Variants in KIAA1217 observed in about 807,000 individuals in gnomAD.
KIAA1217 encodes KIAA1217.
KIAA1217 carries 88 observed loss-of-function variants against 163.9 expected under a neutral mutation model. The ratio of observed to expected loss-of-function variants is 0.54; its 90% CI spans 0.45 to 0.64. The LOEUF is 0.64. Ranked by LOEUF, KIAA1217 falls within the 30% of genes least tolerant of loss-of-function variation. The pLI, the probability that KIAA1217 is intolerant of heterozygous loss-of-function variation, is 0.00. For synonymous variants in KIAA1217, 903 were observed against 923.1 expected (o/e 0.98, Z 0.39); for missense variants, 2,372 against 2,475.0 (o/e 0.96, Z 0.88).
chr10:24,514,098 T>C (rs978251673), intron 10 of KIAA1217, among the ~76,000 whole-genome samples: 1 of 152,182 alleles, frequency 6.6e-6, no homozygotes, highest in East Asian at 1.9e-4. Context: ...AGTCCTACTA[T>C]TGAAATGAGC....
rs774989886 is a variant in KIAA1217 at position 23,890,633 on chromosome 10, T to C, written c.-320-116592T>C. ...CATACTCTGTCAGTTTTCAAGCTTT[T>C]GAAATTTTTTGAATGCATTATACAC... is the stretch of plus-strand genomic sequence containing the variant. On this transcript the variant is annotated intron_variant, in intron 1 of 18. Coordinates refer to the KIAA1217 transcript ENST00000376462. Among the ~76,000 whole-genome samples the C allele has an allele frequency of 1.1e-3, 161 of 152,118 alleles. 1 individual carries two copies. Among genetic ancestry groups the C allele is most frequent in the Non-Finnish European group, 1.8e-3 (119 of 67,902 alleles).
chr10:24,106,499 G>T (rs552745017), intron 2 of KIAA1217, among the ~76,000 whole-genome samples: 12 of 151,520 alleles, frequency 7.9e-5, no homozygotes, highest in East Asian at 3.9e-4. Flanking sequence ...GCCTGTAGGG[G>T]ACTTGGTCCC....
chr10:23,719,207 G>T (rs1179187798), intron 1 of KIAA1217, among the ~76,000 whole-genome samples: 1 of 152,182 alleles, frequency 6.6e-6, no homozygotes, highest in Non-Finnish European at 1.5e-5. Flanking sequence ...TGCAAACAAT[G>T]GAGTATTGTT....
intron 1 of KIAA1217, among the ~76,000 whole-genome samples, chr10:23,827,786 T>C (rs1837970758): frequency 6.6e-6 from 1 of 152,282 alleles, no homozygotes; most frequent in South Asian, 2.1e-4. Flanking sequence ...CAGCCTGAAA[T>C]TGCTGAGTAA....
intron 2 of KIAA1217, among the ~76,000 whole-genome samples, chr10:24,127,255 T>C (rs2063501251): frequency 1.3e-5 from 2 of 152,126 alleles, no homozygotes; most frequent in Non-Finnish European, 2.9e-5. Context: ...GGGATTTGTG[T>C]TCCTTTGGAC....
intron 2 of KIAA1217, among the ~76,000 whole-genome samples, chr10:24,370,508 G>C (rs7918736): frequency 6.6e-6 from 1 of 152,010 alleles, no homozygotes. Context: ...AACATTGTTC[G>C]TGCCTTTATA....
At chr10:24,223,156 G>C (rs569152220) in intron 2 of KIAA1217, among the ~76,000 whole-genome samples, 1 of 152,212 alleles carries the variant, frequency 6.6e-6, no homozygotes, top group East Asian at 1.9e-4. Context: ...ATCTCACCCT[G>C]TGACTTAGAA....
intron 1 of KIAA1217, among the ~76,000 whole-genome samples, chr10:23,731,284 A>G (rs1344608244): frequency 6.6e-6 from 1 of 152,214 alleles, no homozygotes; most frequent in Non-Finnish European, 1.5e-5. Context: ...ATGAATGTTT[A>G]TAAAAGAAAT....
intron 2 of KIAA1217, among the ~76,000 whole-genome samples, chr10:24,154,483 T>C (rs1294378736): frequency 1.3e-5 from 2 of 152,010 alleles, no homozygotes; most frequent in African/African-American, 2.4e-5. Context: ...TCCTGACTTA[T>C]TGGAAGGATT....
chr10:24,307,535 G>A lies in KIAA1217; in HGVS notation c.355-73334G>A, dbSNP rs543083786. Among the ~76,000 whole-genome samples, 160 of 151,958 alleles carry A rather than the reference G, an allele frequency of 1.1e-3. 1 individual carries two copies. Among genetic ancestry groups the A allele is most frequent in the African/African-American group, 3.2e-3 (131 of 41,418 alleles). Reference sequence around the variant, plus strand: ...TCATGCTTATAATCCCAGCGCTTTGGGAGGTCAAAGTGGAAGGATCACTTG... The same window carrying A: ...TCATGCTTATAATCCCAGCGCTTTGAGAGGTCAAAGTGGAAGGATCACTTG... On this transcript the variant is annotated intron_variant, in intron 2 of 20. Transcript: ENST00000376454.
At chr10:24,180,070 A>G (rs2066095740) in intron 2 of KIAA1217, among the ~76,000 whole-genome samples, 1 of 152,084 alleles carries the variant, frequency 6.6e-6, no homozygotes, top group Non-Finnish European at 1.5e-5. Flanking sequence ...CCTGGTATGA[A>G]ATTTATCCCC....
At chr10:24,261,838 G>A (rs911373451) in intron 2 of KIAA1217, among the ~76,000 whole-genome samples, 3 of 152,136 alleles carry the variant, frequency 2.0e-5, no homozygotes, top group African/African-American at 7.2e-5. Flanking sequence ...GCTAAGCCAT[G>A]GGAAAAATCT....
At chr10:24,535,889 G>A (rs972772992) in intron 16 of KIAA1217, among the ~76,000 whole-genome samples, 4 of 152,028 alleles carry the variant, frequency 2.6e-5, no homozygotes, top group Non-Finnish European at 4.4e-5. Context: ...TCTGATTTGT[G>A]TATTCTCTGA....
intron 2 of KIAA1217, among the ~76,000 whole-genome samples, chr10:24,082,228 T>A (rs954783020): frequency 1.3e-5 from 2 of 151,774 alleles, no homozygotes; most frequent in East Asian, 3.9e-4. Context: ...TTTTTGGACA[T>A]CATTTTTTTT....
intron 2 of KIAA1217, among the ~76,000 whole-genome samples, chr10:24,021,649 G>A (rs1847738041): frequency 6.6e-6 from 1 of 151,824 alleles, no homozygotes; most frequent in Non-Finnish European, 1.5e-5. Flanking sequence ...AGTATGGAAG[G>A]GGAAGAATAA....
At chr10:24,027,304 C>T (rs929432703) in intron 2 of KIAA1217, among the ~76,000 whole-genome samples, 4 of 152,008 alleles carry the variant, frequency 2.6e-5, no homozygotes, top group African/African-American at 9.7e-5. Flanking sequence ...CTGGGCTTAC[C>T]ACATTTGTTT....
At chr10:24,436,677 GA>G (rs1396008866) in intron 4 of KIAA1217, among the ~76,000 whole-genome samples, 1 of 134,460 alleles carries the variant, frequency 7.4e-6, no homozygotes, top group Non-Finnish European at 1.5e-5. Context: ...AGAATGCTGT[GA>G]ACCCGGGAAG....
At chr10:24,393,991 T>G (rs1203704709) in intron 3 of KIAA1217, among the ~76,000 whole-genome samples, 1 of 152,260 alleles carries the variant, frequency 6.6e-6, no homozygotes, top group Admixed American at 6.5e-5. Flanking sequence ...GTGTCTTTCT[T>G]CAAGACATTA....
At chr10:23,988,751 T>C (rs2131431728) in intron 1 of KIAA1217, among the ~76,000 whole-genome samples, 1 of 152,332 alleles carries the variant, frequency 6.6e-6, no homozygotes, top group African/African-American at 2.4e-5. Context: ...TTTGATTTTC[T>C]AAGAAAACAT....
Sources: allele counts gnomAD v4.1 joint callset (sites outside exome capture counted in the v4.1 genomes callset), GRCh38; gene constraint gnomAD v4.1.1; transcripts MANE v1.5; gene names NCBI Gene and HGNC (gene_info 2026-07-23, HGNC 2026-07-21).